Variants in CCSER1 observed in about 807,000 individuals in gnomAD.
The protein encoded by CCSER1 is serine-rich coiled-coil domain-containing protein 1.
Under a neutral mutation model 82.0 loss-of-function variants are expected in CCSER1, and 41 were observed. That is an observed-to-expected ratio of 0.50 (90% CI 0.39 to 0.65). CCSER1 has a LOEUF of 0.65. Among genes scored for constraint, CCSER1 ranks in the 30% least tolerant of loss-of-function variants. The pLI is 0.00. For missense variants in CCSER1, 1,119 were observed against 1,064.2 expected, an observed-to-expected ratio of 1.05 and a Z score of -0.72; for synonymous variants, 414 against 383.9, an observed-to-expected ratio of 1.08 and a Z score of -0.92.
At position 91,117,034 on chromosome 4, in the gene CCSER1, C is replaced by T. The variant is rs965354651; in HGVS notation, c.2217+31040C>T. On this transcript the variant is annotated intron_variant, in intron 10 of 10. Transcript: ENST00000509176. Reference sequence around the variant, plus strand: ...CTCAATGAATCATACCTAAAGAAACCTCCATGCAGGTTTTGAGCCATAAAG... The same window carrying T: ...CTCAATGAATCATACCTAAAGAAACTTCCATGCAGGTTTTGAGCCATAAAG... 4.6e-5 allele frequency among the ~76,000 whole-genome samples: 7 copies of T among 152,092 alleles called. 1 individual carries two copies. The highest frequency in any genetic ancestry group is 6.3e-3 in the Middle Eastern group (2 of 316).
chr4:90,312,492 A>T lies in CCSER1; in HGVS notation c.1325-371A>T, dbSNP rs542137249. Among the ~76,000 whole-genome samples, 5 of 152,274 alleles carry T rather than the reference A, an allele frequency of 3.3e-5. No homozygotes were observed. In the East Asian group the frequency reaches 9.6e-4, roughly 29 times the overall value. On this transcript the variant is annotated intron_variant, in intron 2 of 10. Coordinates refer to ENST00000509176, the MANE Select transcript of CCSER1 (RefSeq NM_001145065.2). ...GATTGTGTTGCGGGTGGAGAGGCAGATGAGAGTAGGCAGAGGTAGGAGAAT... is the reference window on the plus strand; with the variant it reads ...GATTGTGTTGCGGGTGGAGAGGCAGTTGAGAGTAGGCAGAGGTAGGAGAAT...
chr4:91,576,232 A>G (rs1356152959), intron 10 of CCSER1, among the ~76,000 whole-genome samples: 1 of 152,022 alleles, frequency 6.6e-6, no homozygotes, highest in Non-Finnish European at 1.5e-5. Context: ...TTTAAAAAGA[A>G]GGGTATTTTG....
intron 10 of CCSER1, among the ~76,000 whole-genome samples, chr4:91,485,027 G>T (rs1381028732): frequency 6.6e-6 from 1 of 151,984 alleles, no homozygotes; most frequent in Non-Finnish European, 1.5e-5. Flanking sequence ...CCATTCATAG[G>T]CTTGACATCT....
chr4:90,393,959 T>A (rs1241570188), intron 3 of CCSER1, among the ~76,000 whole-genome samples: 1 of 151,398 alleles, frequency 6.6e-6, no homozygotes, highest in Non-Finnish European at 1.5e-5. Context: ...AAAAAAAAAT[T>A]GCAGAGAGGG....
chr4:90,236,874 ATG>A (rs1261225227), intron 1 of CCSER1, among the ~76,000 whole-genome samples: 1 of 152,050 alleles, frequency 6.6e-6, no homozygotes, highest in Non-Finnish European at 1.5e-5. Flanking sequence ...ATATGTGTGT[ATG>A]TGTGTATATT....
rs185823683 is a variant in CCSER1, at chr4:90,402,455, G to A, written c.1603+2326G>A. On this transcript the variant is annotated intron_variant, in intron 4 of 10. Transcript: ENST00000509176. Reference sequence around the variant, plus strand: ...AGATAAATGTGGTGGTACCAATATCGTATATAGGCTTTGCTTTACCAACAA... The same window carrying A: ...AGATAAATGTGGTGGTACCAATATCATATATAGGCTTTGCTTTACCAACAA... 5.1e-4 allele frequency among the ~76,000 whole-genome samples: 78 copies of A among 152,132 alleles called. 1 individual carries two copies. Among genetic ancestry groups the A allele is most frequent in the African/African-American group, 1.8e-3 (74 of 41,498 alleles).
chr4:91,276,293 CT>C (rs545936410), intron 10 of CCSER1, among the ~76,000 whole-genome samples: 20,412 of 116,052 alleles, frequency 0.18, 938 homozygotes, highest in East Asian at 0.22. Context: ...GATGTCTTTC[CT>C]TTTTTTTTTT....
intron 9 of CCSER1, among the ~76,000 whole-genome samples, chr4:90,957,586 T>TAATTATATTATATAATA (rs1233588764): frequency 2.3e-5 from 3 of 132,410 alleles, no homozygotes; most frequent in African/African-American, 5.7e-5. Context: ...ATATAATATA[T>TAATTATATTATATAATA]TATTATTTAT....
chr4:90,718,149 G>A lies in CCSER1; in HGVS notation c.1933-5765G>A, dbSNP rs930929691. On this transcript the variant is annotated intron_variant, in intron 6 of 10. Transcript: ENST00000509176. ...ACTAAACCATGTGTATATATTTTCT[G>A]TGTAATTTTACAACTATGAGAATAC... 2.0e-5 allele frequency among the ~76,000 whole-genome samples: 3 copies of A among 152,064 alleles called. No individual in the cohort carries two copies. The South Asian group carries it at 6.2e-4, about 31-fold the overall frequency.
At chr4:90,254,667 C>A (rs566525885) in intron 1 of CCSER1, among the ~76,000 whole-genome samples, 46 of 152,144 alleles carry the variant, frequency 3.0e-4, no homozygotes, top group Admixed American at 7.9e-4. Flanking sequence ...GGAGACAGAG[C>A]CCTGTGTTCT....
chr4:91,073,458 G>A (rs1581479426), intron 9 of CCSER1, among the ~76,000 whole-genome samples: 1 of 152,088 alleles, frequency 6.6e-6, no homozygotes, highest in East Asian at 1.9e-4. Flanking sequence ...AATGTTCTGT[G>A]TTTCTAAGTC....
At chr4:90,282,998 A>T (rs990582928) in intron 1 of CCSER1, among the ~76,000 whole-genome samples, 15 of 152,136 alleles carry the variant, frequency 9.9e-5, no homozygotes, top group Admixed American at 9.2e-4. Flanking sequence ...TACTGCATTA[A>T]TGGAAGGTTG....
chr4:91,103,846 C>G (rs1725335495), intron 10 of CCSER1, among the ~76,000 whole-genome samples: 1 of 152,034 alleles, frequency 6.6e-6, no homozygotes, highest in African/African-American at 2.4e-5. Flanking sequence ...GGTGTGACTG[C>G]CTGCGGGGTC....
chr4:90,403,498 CAAAA>C (rs753570201), intron 4 of CCSER1, among the ~76,000 whole-genome samples: 1 of 45,994 alleles, frequency 2.2e-5, no homozygotes, highest in African/African-American at 9.8e-5. Context: ...GACTCCGTCT[CAAAA>C]AAAAAAAAAA....
At chr4:90,811,360 T>C (rs772245879) in intron 7 of CCSER1, among the ~76,000 whole-genome samples, 3 of 152,160 alleles carry the variant, frequency 2.0e-5, no homozygotes, top group Non-Finnish European at 4.4e-5. Context: ...AAGGGTACAA[T>C]ACACTATGCT....
At chr4:91,068,334 T>G (rs1165546646) in intron 9 of CCSER1, among the ~76,000 whole-genome samples, 1 of 152,206 alleles carries the variant, frequency 6.6e-6, no homozygotes, top group Admixed American at 6.5e-5. Flanking sequence ...CACTGATCTG[T>G]CAAAATTATG....
At chr4:90,205,775 C>A (rs1448230702) in intron 1 of CCSER1, among the ~76,000 whole-genome samples, 1 of 152,116 alleles carries the variant, frequency 6.6e-6, no homozygotes, top group Non-Finnish European at 1.5e-5. Flanking sequence ...AGTAATGGTA[C>A]CAGCTCCTCT....
intron 10 of CCSER1, among the ~76,000 whole-genome samples, chr4:91,331,463 T>C (rs1746947937): frequency 6.6e-6 from 1 of 152,142 alleles, no homozygotes; most frequent in South Asian, 2.1e-4. Flanking sequence ...TTCAAGCTTC[T>C]ACTGGCTTGC....
intron 10 of CCSER1, among the ~76,000 whole-genome samples, chr4:91,278,884 T>C (rs1742684473): frequency 6.6e-6 from 1 of 152,132 alleles, no homozygotes; most frequent in Admixed American, 6.6e-5. Flanking sequence ...TGTGTTTGCC[T>C]GATGGTAGAT....
Sources: gnomAD v4.1 joint callset for allele counts (sites outside exome capture counted in the v4.1 genomes callset) on GRCh38, gnomAD v4.1.1 for gene constraint, MANE v1.5 for transcripts, NCBI Gene and HGNC (gene_info 2026-07-23, HGNC 2026-07-21) for gene names.